GNAT1: variants seen among roughly 807,000 people sequenced by gnomAD.
GNAT1 encodes the protein guanine nucleotide-binding protein G(t) subunit alpha-1.
In GNAT1, 36 loss-of-function variants were observed where a neutral mutation model predicts 40.0. That is an observed-to-expected ratio of 0.90 (90% confidence interval 0.69 to 1.19). The LOEUF (loss-of-function observed/expected upper bound fraction) is 1.19. GNAT1 is among the 50% of genes most tolerant of loss of function. The pLI, the probability that GNAT1 is intolerant of heterozygous loss-of-function variation, is 0.00. For synonymous variants in GNAT1, 195 were observed against 192.9 expected (o/e 1.01, Z -0.09); for missense variants, 413 against 480.6 (o/e 0.86, Z 1.32).
rs1294987834 is a variant in GNAT1 at position 50,197,544 on chromosome 3, T to C, written c.*2278T>C. Reference sequence around the variant, plus strand: ...CTTCAAGGTTTATTCATGTGTAGCATATGGCAGAATCTCCTTCCTTTTTAA... The same window carrying C: ...CTTCAAGGTTTATTCATGTGTAGCACATGGCAGAATCTCCTTCCTTTTTAA... On this transcript the variant is annotated 3_prime_UTR_variant, in exon 9 of 9. Transcript: ENST00000232461. Among the ~76,000 whole-genome samples the C allele has an allele frequency of 6.6e-6, 1 of 152,224 alleles. No individual in the cohort carries two copies.
At position 50,197,395 on chromosome 3, in the gene GNAT1, G is replaced by A. The variant is rs886058692; in HGVS notation, c.*2129G>A. 1.3e-5 allele frequency among the ~76,000 whole-genome samples: 2 copies of A among 151,668 alleles called. No homozygotes were observed. Among genetic ancestry groups the A allele is most frequent in the East Asian group, 1.9e-4 (1 of 5,190 alleles). On this transcript the variant is annotated 3_prime_UTR_variant, in exon 9 of 9. Transcript: ENST00000232461. ...TAACCCCCCATTCCTGCCTTCCCCC[G>A]GCTCCTGGCATCCACCATTCTACTT... is the stretch of plus-strand genomic sequence containing the variant.
At position 50,193,452 on chromosome 3, in the gene GNAT1, C is replaced by T; in HGVS notation, c.291+46C>T. On this transcript the variant is annotated intron_variant, in intron 3 of 8. Coordinates refer to ENST00000232461, the MANE Select transcript of GNAT1 (RefSeq NM_144499.3). This position sits in a 1 kb window ranked among gnomAD's most constrained non-coding sequence, Gnocchi z 8.1. ...AGCGGGCCTCTGGGGACTCGAGGCTCGCGGCTGGGCCCGAGTCCCTGGCCG... is the reference window on the plus strand; with the variant it reads ...AGCGGGCCTCTGGGGACTCGAGGCTTGCGGCTGGGCCCGAGTCCCTGGCCG... The T allele has an allele frequency of 6.2e-7, 1 of 1,609,866 alleles. No homozygotes were observed. Among genetic ancestry groups the T allele is most frequent in the South Asian group, 1.1e-5 (1 of 90,866 alleles).
rs1268711553 is a variant in GNAT1, at chr3:50,193,972, C to T, written c.578+91C>T. The T allele has an allele frequency of 3.7e-6, 6 of 1,600,652 alleles. No individual in the cohort carries two copies. Among genetic ancestry groups the T allele is most frequent in the Non-Finnish European group, 5.1e-6 (6 of 1,168,496 alleles). ...CCCTGCGATAGACCCTGCCCCTTCC[C>T]TGATACCCCGCCAGCAGAAAGGGTG... is the stretch of plus-strand genomic sequence containing the variant. On this transcript the variant is annotated intron_variant, in intron 5 of 8. Transcript: ENST00000232461. This position sits in a 1 kb window ranked among gnomAD's most constrained non-coding sequence, Gnocchi z 8.1.
chr3:50,195,159 C>A (rs764282254), intron 8 of GNAT1, 109 bp from the exon 9 acceptor site: 3 of 611,182 alleles, frequency 4.9e-6, no homozygotes, highest in Non-Finnish European at 5.9e-6. Flanking sequence ...CTTTTGGCCC[C>A]GCCCCAAGAC....
intron 1 of GNAT1, among the ~76,000 whole-genome samples, chr3:50,192,462 C>T (rs1262379436): frequency 6.6e-6 from 1 of 152,216 alleles, no homozygotes; most frequent in Non-Finnish European, 1.5e-5. Context: ...AAGGTCACTG[C>T]CTGACCTCTC....
In GNAT1 at chr3:50,193,720, C is replaced by T. The variant is rs1203616592; in HGVS notation, c.450-33C>T. The T allele has an allele frequency of 6.2e-7, 1 of 1,600,254 alleles. No homozygotes were observed. Among genetic ancestry groups the T allele is most frequent in the South Asian group, 1.1e-5 (1 of 90,166 alleles). Reference sequence around the variant, plus strand: ...GCGGGGCGCAGGGGGCCCTCCACGCCTCCCCACCCACCTACGGCCGGGTCT... The same window carrying T: ...GCGGGGCGCAGGGGGCCCTCCACGCTTCCCCACCCACCTACGGCCGGGTCT... On this transcript the variant is annotated intron_variant, in intron 4 of 8. Coordinates refer to ENST00000232461, the MANE Select transcript of GNAT1 (RefSeq NM_144499.3). This position sits in a 1 kb window ranked among gnomAD's most constrained non-coding sequence, Gnocchi z 8.1.
At chr3:50,192,382 G>T (rs1699424947) in intron 1 of GNAT1, among the ~76,000 whole-genome samples, 1 of 152,138 alleles carries the variant, frequency 6.6e-6, no homozygotes, top group South Asian at 2.1e-4. Context: ...AGGCCCAGTG[G>T]GAGTAGATAA....
Position 50,193,784 on chromosome 3 carries a change from C to G in GNAT1, c.481C>G (p.Pro161Ala), listed in dbSNP as rs1399876988. The G allele has an allele frequency of 6.2e-7, 1 of 1,612,598 alleles. No homozygotes were observed. Among genetic ancestry groups the G allele is most frequent in the Non-Finnish European group, 8.5e-7 (1 of 1,179,858 alleles). ...YLSDLERLVT[P>A]GYVPTEQDVL... ...CTCCGACCTGGAGCGCCTGGTAACC[C>G]CGGGCTACGTGCCCACCGAGCAGGA... The change falls in exon 5 of 9, where the codon CCG becomes GCG. Residue 161 changes from proline (P) to alanine (A), a missense_variant. Pro to Ala is a conservative substitution (Grantham distance 27). Coordinates refer to ENST00000232461, the MANE Select transcript of GNAT1 (RefSeq NM_144499.3). The surrounding 1 kb of genome is among the most constrained non-coding windows in gnomAD (Gnocchi z 8.1).
Position 50,193,385 on chromosome 3 carries a change from G to A in GNAT1, c.270G>A (p.Gln90=), listed in dbSNP as rs754958974. The A allele has an allele frequency of 1.9e-6, 3 of 1,614,096 alleles. No homozygotes were observed. The highest frequency in any genetic ancestry group is 2.5e-6 in the Non-Finnish European group (3 of 1,180,024). The change falls in exon 3 of 9, where the codon CAG becomes CAA. Residue 90 remains glutamine, a synonymous_variant. Transcript: ENST00000232461. This position sits in a 1 kb window ranked among gnomAD's most constrained non-coding sequence, Gnocchi z 8.1. ...IVRAMTTLNI[Q]YGDSARQDDA... ...GCGCCATGACCACACTCAACATCCA[G>A]TACGGAGACTCTGCACGCCAGGTGT...
Position 50,194,935 on chromosome 3 carries a change from A to G in GNAT1, c.1033A>G (p.Lys345Glu). The change falls in exon 8 of 9, where the codon AAA (lysine) becomes GAA (glutamate). Residue 345 changes from lysine (K) to glutamate (E), a missense_variant. Lys to Glu is a moderately conservative substitution (Grantham distance 56). Coordinates refer to ENST00000232461, the MANE Select transcript of GNAT1 (RefSeq NM_144499.3). This position sits in a 1 kb window ranked among gnomAD's most constrained non-coding sequence, Gnocchi z 6.1. ...CGACATCATCATCAAGGAGAACCTC[A>G]AAGACTGTGGCCTCTTCTGAGGTAG... ...VTDIIIKENL[K>E]DCGLF 1 of 1,613,220 alleles carries G rather than the reference A, an allele frequency of 6.2e-7. No homozygotes were observed. Among genetic ancestry groups the G allele is most frequent in the South Asian group, 1.1e-5 (1 of 90,954 alleles).
In GNAT1 at chr3:50,191,620, A is replaced by G; in HGVS notation, c.-106A>G. On this transcript the variant is annotated 5_prime_UTR_variant, in exon 1 of 9. Transcript: ENST00000232461. ...GGTCCGTAGAGAGCCAGTTGATTGC[A>G]GGTCCTCCTGGGGCCAGAAGGGTGC... 1.2e-6 allele frequency: 1 copy of G among 809,246 alleles called. No homozygotes were observed. The highest frequency in any genetic ancestry group is 1.8e-5 in the Admixed American group (1 of 54,086). The allele number at this position is 809,246 out of a possible 1,614,324, so 50.1% of individuals were successfully genotyped here. A position where few individuals can be genotyped will look rare whatever the true frequency, so the allele number is the denominator to read the frequency against.
chr3:50,194,271 G>A lies in GNAT1; in HGVS notation c.708+50G>A. On this transcript the variant is annotated intron_variant, in intron 6 of 8. Coordinates refer to ENST00000232461, the MANE Select transcript of GNAT1 (RefSeq NM_144499.3). This position sits in a 1 kb window ranked among gnomAD's most constrained non-coding sequence, Gnocchi z 6.1. ...TCCAGGGGGGCGAGGAGGAGCTGCT[G>A]GTCCCTGGAGGCGGAGACCGCGCGC... is the stretch of plus-strand genomic sequence containing the variant. 1 of 1,561,042 alleles carries A rather than the reference G, an allele frequency of 6.4e-7. No homozygotes were observed. Among genetic ancestry groups the A allele is most frequent in the Non-Finnish European group, 8.7e-7 (1 of 1,151,230 alleles).
rs187475557 is a variant in GNAT1 at position 50,197,055 on chromosome 3, A to G, written c.*1789A>G. On this transcript the variant is annotated 3_prime_UTR_variant, in exon 9 of 9. Coordinates refer to ENST00000232461, the MANE Select transcript of GNAT1 (RefSeq NM_144499.3). ...TAACCAAGGTAAATAATATTAGGAT[A>G]ATATTTTTAAAAATCAAATGAATGC... Among the ~76,000 whole-genome samples, 20 of 152,334 alleles carry G rather than the reference A, an allele frequency of 1.3e-4. No individual in the cohort carries two copies. The highest frequency in any genetic ancestry group is 5.2e-4 in the Admixed American group (8 of 15,296).
chr3:50,192,299 C>A (rs994679968), intron 1 of GNAT1, among the ~76,000 whole-genome samples: 1 of 152,176 alleles, frequency 6.6e-6, no homozygotes, highest in African/African-American at 2.4e-5. Context: ...AGATCCACAA[C>A]GAATGGCCCT....
chr3:50,194,505 G>T lies in GNAT1; in HGVS notation c.713G>T (p.Arg238Leu), dbSNP rs751418123. Reference sequence around the variant, plus strand: ...AACAGCTGCTGCCCTCCTCAGAACCGCATGCACGAGAGCCTGCACCTGTTC... The same window carrying T: ...AACAGCTGCTGCCCTCCTCAGAACCTCATGCACGAGAGCCTGCACCTGTTC... ...MVLVEDDEVN[R>L]MHESLHLFNS... The change falls in exon 7 of 9, where the codon CGC (arginine) becomes CTC (leucine). Residue 238 changes from arginine (R) to leucine (L), a missense_variant. By Grantham distance (102) the Arg-to-Leu change is moderately radical. Coordinates refer to ENST00000232461, the MANE Select transcript of GNAT1 (RefSeq NM_144499.3). The surrounding 1 kb of genome is among the most constrained non-coding windows in gnomAD (Gnocchi z 6.1). 16 of 1,613,174 alleles carry T rather than the reference G, an allele frequency of 9.9e-6. 1 individual carries two copies. In the South Asian group the frequency reaches 1.5e-4, roughly 15 times the overall value.
chr3:50,192,962 C>A, intron 1 of GNAT1, 171 bp from the exon 2 acceptor site: 1 of 667,758 alleles, frequency 1.5e-6, no homozygotes, highest in Non-Finnish European at 2.6e-6. Context: ...TTCAGGATGT[C>A]AGGACTTAAT....
Position 50,191,611 on chromosome 3 carries a change from G to T in GNAT1, c.-115G>T. 1.3e-6 allele frequency: 1 copy of T among 774,626 alleles called. No individual in the cohort carries two copies. Among genetic ancestry groups the T allele is most frequent in the East Asian group, 2.6e-5 (1 of 38,756 alleles). The allele number at this position is 774,626 out of a possible 1,614,324, so 48.0% of individuals were successfully genotyped here. On this transcript the variant is annotated 5_prime_UTR_variant, in exon 1 of 9. Transcript: ENST00000232461. ...GATTGCACAGGTCCGTAGAGAGCCAGTTGATTGCAGGTCCTCCTGGGGCCA... is the reference window on the plus strand; with the variant it reads ...GATTGCACAGGTCCGTAGAGAGCCATTTGATTGCAGGTCCTCCTGGGGCCA...
Position 50,193,376 on chromosome 3 carries a change from C to A in GNAT1, c.261C>A (p.Leu87=). The A allele has an allele frequency of 1.9e-6, 3 of 1,614,156 alleles. No individual in the cohort carries two copies. The highest frequency in any genetic ancestry group is 2.5e-6 in the Non-Finnish European group (3 of 1,180,032). The change falls in exon 3 of 9, where the codon CTC becomes CTA. Residue 87 remains leucine (L), a synonymous_variant. Coordinates refer to ENST00000232461, the MANE Select transcript of GNAT1 (RefSeq NM_144499.3). The surrounding 1 kb of genome is among the most constrained non-coding windows in gnomAD (Gnocchi z 8.1). ...CCATCGTACGCGCCATGACCACACT[C>A]AACATCCAGTACGGAGACTCTGCAC... The part of the protein sequence containing the change: ...ILAIVRAMTT[L]NIQYGDSARQ...
In GNAT1 at chr3:50,194,055, G is replaced by A. The variant is rs953265751; in HGVS notation, c.579-37G>A. ...AGGGCGAAGGGATGTTGCCTGTGGGGCCCGGGGCGCAGGTTCAGGCCCCCG... is the reference window on the plus strand; with the variant it reads ...AGGGCGAAGGGATGTTGCCTGTGGGACCCGGGGCGCAGGTTCAGGCCCCCG... On this transcript the variant is annotated intron_variant, in intron 5 of 8. Coordinates refer to ENST00000232461, the MANE Select transcript of GNAT1 (RefSeq NM_144499.3). The surrounding 1 kb of genome is among the most constrained non-coding windows in gnomAD (Gnocchi z 6.1). The A allele has an allele frequency of 6.2e-7, 1 of 1,610,996 alleles. No individual in the cohort carries two copies. Among genetic ancestry groups the A allele is most frequent in the Non-Finnish European group, 8.5e-7 (1 of 1,178,242 alleles).
Sources: gnomAD v4.1 joint callset for allele counts (sites outside exome capture counted in the v4.1 genomes callset) on GRCh38, gnomAD v4.1.1 for gene constraint, Gnocchi (gnomAD v3.1) non-coding constraint, MANE v1.5 for transcripts, NCBI Gene and HGNC (gene_info 2026-07-23, HGNC 2026-07-21) for gene names.